Variants in RNF6 observed in about 807,000 individuals in gnomAD.
The protein encoded by RNF6 is ring finger protein 6, also known as E3 ubiquitin-protein ligase RNF6.
A neutral mutation model predicts 50.1 loss-of-function variants in RNF6; 21 were observed. That is an observed-to-expected ratio of 0.42 (90% CI 0.30 to 0.60). The LOEUF is 0.60. Among genes scored for constraint, RNF6 ranks in the 20% least tolerant of loss-of-function variants. The pLI is 0.20. For missense variants in RNF6, 698 were observed against 838.2 expected, an observed-to-expected ratio of 0.83 and a Z score of 2.07; for synonymous variants, 255 against 291.8, an observed-to-expected ratio of 0.87 and a Z score of 1.29.
intron 5 of RNF6, among the ~76,000 whole-genome samples, chr13:26,170,489 C>A (rs2419899): frequency 0.74 from 112,671 of 151,560 alleles, 42,135 homozygotes; most frequent in East Asian, 0.8. Context: ...ACTAACTATC[C>A]ATGCGTGAAG....
chr13:26,141,566 A>T (rs1870953369), intron 5 of RNF6, among the ~76,000 whole-genome samples: 1 of 152,202 alleles, frequency 6.6e-6, no homozygotes, highest in South Asian at 2.1e-4. Flanking sequence ...CAGAACCCAG[A>T]AATAAAGCAG....
At chr13:26,177,924 G>T (rs1436101283) in intron 5 of RNF6, among the ~76,000 whole-genome samples, 1 of 152,220 alleles carries the variant, frequency 6.6e-6, no homozygotes, top group Non-Finnish European at 1.5e-5. Flanking sequence ...AGTGGCTCAT[G>T]TCTGTAATCC....
intron 5 of RNF6, among the ~76,000 whole-genome samples, chr13:26,179,828 A>G (rs1873146874): frequency 6.6e-6 from 1 of 152,158 alleles, no homozygotes; most frequent in Admixed American, 6.5e-5. Flanking sequence ...TTGAACTTTC[A>G]CCAGAATACA....
At chr13:26,200,447 T>C (rs185154249) in intron 5 of RNF6, among the ~76,000 whole-genome samples, 161 of 149,834 alleles carry the variant, frequency 1.1e-3, no homozygotes, top group African/African-American at 3.5e-3. Context: ...TTTGCTCTTG[T>C]TGTCCAGTCT....
At position 26,215,552 on chromosome 13, in the gene RNF6, A is replaced by G; in HGVS notation, c.330T>C (p.Leu110=). ...VPRESSHEDS[L]LEWLNTFRRT... is the part of the protein sequence containing the mutation. ...GCCGAAAGGTGTTCAACCATTCTAG[A>G]AGAGAATCTTCATGTGAACTTTCTC... The change falls in exon 5 of 5, where the codon CTT becomes CTC. Residue 110 remains leucine (L), a synonymous_variant. Transcript: ENST00000381588. 2 of 1,610,184 alleles carry G rather than the reference A, an allele frequency of 1.2e-6. No homozygotes were observed. Among genetic ancestry groups the G allele is most frequent in the Non-Finnish European group, 1.7e-6 (2 of 1,179,860 alleles).
chr13:26,151,995 C>T (rs545641128), intron 5 of RNF6, among the ~76,000 whole-genome samples: 14 of 152,280 alleles, frequency 9.2e-5, no homozygotes, highest in African/African-American at 2.6e-4. Flanking sequence ...CCACTGCCTT[C>T]TCACTGTCTC....
chr13:26,215,567 T>G lies in RNF6; in HGVS notation c.315A>C (p.Ser105=). ...ACCATTCTAGAAGAGAATCTTCATG[T>G]GAACTTTCTCTAGGGACTTCTGAGT... ...YRDSEVPRES[S]HEDSLLEWLN... The change falls in exon 5 of 5, where the codon TCA becomes TCC. Residue 105 remains serine (S), a synonymous_variant. Coordinates refer to ENST00000381588, the MANE Select transcript of RNF6 (RefSeq NM_005977.4). 6.2e-7 allele frequency: 1 copy of G among 1,606,764 alleles called. No individual in the cohort carries two copies. The highest frequency in any genetic ancestry group is 8.5e-7 in the Non-Finnish European group (1 of 1,179,452).
chr13:26,188,804 AT>A (rs887556721), intron 5 of RNF6, among the ~76,000 whole-genome samples: 1 of 151,182 alleles, frequency 6.6e-6, no homozygotes, highest in Admixed American at 6.6e-5. Flanking sequence ...TAATTTTTGT[AT>A]TTTTAGTAGA....
intron 5 of RNF6, among the ~76,000 whole-genome samples, chr13:26,166,639 G>A (rs1441736722): frequency 1.3e-5 from 2 of 152,170 alleles, no homozygotes; most frequent in Non-Finnish European, 2.9e-5. Context: ...TAGGAATACA[G>A]CTAACTCGGG....
At chr13:26,177,210 G>A (rs1872999414) in intron 5 of RNF6, among the ~76,000 whole-genome samples, 1 of 152,130 alleles carries the variant, frequency 6.6e-6, no homozygotes, top group African/African-American at 2.4e-5. Flanking sequence ...AGCAGTTTGT[G>A]GAAGCCCTAG....
Position 26,166,646 on chromosome 13 carries a change from C to T in RNF6, n.769-34195G>A, listed in dbSNP as rs1017150876. Among the ~76,000 whole-genome samples the T allele has an allele frequency of 2.6e-5, 4 of 152,090 alleles. No homozygotes were observed. The East Asian group carries it at 5.8e-4, about 22-fold the overall frequency. On this transcript the variant is annotated intron_variant and non_coding_transcript_variant, in intron 5 of 5. Transcript: ENST00000468480. ...AAAATACCTAGGAATACAGCTAACT[C>T]GGGAGGTGAAAGGTCTCTACAATGA... is the stretch of plus-strand genomic sequence containing the variant.
chr13:26,187,657 A>C (rs967382243), intron 5 of RNF6, among the ~76,000 whole-genome samples: 1 of 152,250 alleles, frequency 6.6e-6, no homozygotes, highest in Admixed American at 6.5e-5. Flanking sequence ...TGGCAAAGTC[A>C]GGATTCAAAT....
At chr13:26,178,238 A>G (rs779998750) in intron 5 of RNF6, among the ~76,000 whole-genome samples, 4 of 152,190 alleles carry the variant, frequency 2.6e-5, no homozygotes. Context: ...AATATGCAAC[A>G]GAAATTTGTT....
intron 5 of RNF6, among the ~76,000 whole-genome samples, chr13:26,200,989 C>T (rs1311367384): frequency 6.6e-6 from 1 of 151,960 alleles, no homozygotes; most frequent in African/African-American, 2.4e-5. Context: ...TGAGTATATG[C>T]CCAAATAATT....
At chr13:26,155,117 T>C (rs1566411963) in intron 5 of RNF6, among the ~76,000 whole-genome samples, 1 of 151,736 alleles carries the variant, frequency 6.6e-6, no homozygotes, top group African/African-American at 2.4e-5. Flanking sequence ...TCTTCTCCCT[T>C]CTCTCTCTCA....
chr13:26,184,014 ATATATTTTTTTTT>A (rs1289446123), intron 5 of RNF6, among the ~76,000 whole-genome samples: 732 of 57,844 alleles, frequency 0.013, 3 homozygotes, highest in East Asian at 0.095. Context: ...ATATATATAT[ATATATTTTTTTTT>A]TTTTTTTTTT....
chr13:26,157,390 G>A (rs17083343), intron 5 of RNF6, among the ~76,000 whole-genome samples: 7,137 of 151,912 alleles, frequency 0.047, 269 homozygotes, highest in African/African-American at 0.099. Context: ...CACAATGGCA[G>A]TGGGTGTAAT....
Position 26,213,325 on chromosome 13 carries a change from T to C in RNF6, c.*499A>G, listed in dbSNP as rs1472513994. On this transcript the variant is annotated 3_prime_UTR_variant, in exon 5 of 5. Coordinates refer to ENST00000381588, the MANE Select transcript of RNF6 (RefSeq NM_005977.4). ...ATATACACCTATGGTATGCTGCATA[T>C]TAAATTTAACATTTCAAGTAACATA... is the stretch of plus-strand genomic sequence containing the variant. The C allele has an allele frequency of 6.5e-6, 1 of 152,812 alleles. No homozygotes were observed. The highest frequency in any genetic ancestry group is 1.9e-4 in the East Asian group (1 of 5,206). 9.5% of individuals were successfully genotyped at this position (152,812 alleles called of 1,614,324 possible). A position where few individuals can be genotyped will look rare whatever the true frequency, so the allele number is the denominator to read the frequency against.
downstream of RNF6, among the ~76,000 whole-genome samples, chr13:26,211,260 A>G (rs1869309658): frequency 6.6e-6 from 1 of 152,212 alleles, no homozygotes; most frequent in Admixed American, 6.5e-5. Flanking sequence ...ACAAAACACA[A>G]TCTACTTCTG....
Sources: gnomAD v4.1 joint callset for allele counts (sites outside exome capture counted in the v4.1 genomes callset) on GRCh38, gnomAD v4.1.1 for gene constraint, MANE v1.5 for transcripts, NCBI Gene and HGNC (gene_info 2026-07-23, HGNC 2026-07-21) for gene names.